NDC80: variants seen among roughly 807,000 people sequenced by gnomAD.
NDC80 encodes NDC80 kinetochore complex component.
A neutral mutation model predicts 89.3 loss-of-function variants in NDC80; 69 were observed. The observed-to-expected ratio is 0.77, with a 90% confidence interval of 0.64 to 0.94. The LOEUF (loss-of-function observed/expected upper bound fraction) is 0.94. Ranked by LOEUF, NDC80 falls within the 40% of genes least tolerant of loss-of-function variation. The pLI is 0.00. For synonymous variants in NDC80, 243 were observed against 255.6 expected (o/e 0.95, Z 0.47); for missense variants, 593 against 739.6 (o/e 0.80, Z 2.30).
chr18:2,592,325 T>C (rs1000285319), intron 10 of NDC80, among the ~76,000 whole-genome samples: 1 of 151,932 alleles, frequency 6.6e-6, no homozygotes, highest in Non-Finnish European at 1.5e-5. Flanking sequence ...GGATGAGACA[T>C]ATTTAAATTT....
chr18:2,591,796 C>T (rs1335067505), intron 10 of NDC80, among the ~76,000 whole-genome samples: 1 of 150,710 alleles, frequency 6.6e-6, no homozygotes, highest in Non-Finnish European at 1.5e-5. Context: ...GCTGTGTCAC[C>T]CAGGCTGAAG....
chr18:2,608,224 G>A (rs1323145967), intron 14 of NDC80, among the ~76,000 whole-genome samples: 3 of 137,282 alleles, frequency 2.2e-5, no homozygotes, highest in Admixed American at 7.3e-5. Context: ...TTTTTTTTTT[G>A]AGACAGTGTC....
chr18:2,575,255 A>G (rs779094607), intron 3 of NDC80, among the ~76,000 whole-genome samples, 189 bp downstream of exon 3: 3 of 152,218 alleles, frequency 2.0e-5, no homozygotes, highest in Non-Finnish European at 4.4e-5. Flanking sequence ...ACACATTCAG[A>G]CCACTATTTC....
At chr18:2,613,153 C>G (rs554220770) in intron 16 of NDC80, among the ~76,000 whole-genome samples, 7 of 152,210 alleles carry the variant, frequency 4.6e-5, no homozygotes, top group Admixed American at 3.9e-4. Flanking sequence ...CCAATTGGGC[C>G]TACAGCCGGC....
chr18:2,589,365 C>A, intron 9 of NDC80, 55 bp downstream of exon 9: 1 of 1,183,742 alleles, frequency 8.4e-7, no homozygotes, highest in South Asian at 1.3e-5. Context: ...TTTTGGGTGT[C>A]CTTGGATATT....
intron 8 of NDC80, among the ~76,000 whole-genome samples, chr18:2,588,205 A>G (rs898883975): frequency 6.6e-6 from 1 of 152,210 alleles, no homozygotes; most frequent in Non-Finnish European, 1.5e-5. Flanking sequence ...TGACAGTATA[A>G]TAAAGTCATA....
At chr18:2,597,541 G>A (rs2072663140) in intron 11 of NDC80, among the ~76,000 whole-genome samples, 1 of 152,094 alleles carries the variant, frequency 6.6e-6, no homozygotes, top group African/African-American at 2.4e-5. Context: ...GACCAGCCTG[G>A]CCAACATGGT....
chr18:2,589,651 A>G (rs1207429818), intron 9 of NDC80, among the ~76,000 whole-genome samples: 3 of 152,208 alleles, frequency 2.0e-5, no homozygotes, highest in African/African-American at 7.2e-5. Context: ...GAGGTAGTGC[A>G]AAAGGAATGG....
chr18:2,598,985 G>T, intron 11 of NDC80, 34 bp from the exon 12 acceptor site: 1 of 1,502,208 alleles, frequency 6.7e-7, no homozygotes, highest in Non-Finnish European at 8.9e-7. Flanking sequence ...GAATGGGGCT[G>T]CTTTAACATG....
chr18:2,605,270 ATGTATGTGTGTGTGTGTGTGTGTGTGTG>A (rs2072704669), intron 13 of NDC80, among the ~76,000 whole-genome samples: 2 of 98,064 alleles, frequency 2.0e-5, no homozygotes, highest in African/African-American at 7.6e-5. Flanking sequence ...GGCGGGCTAT[ATGTATGTGTGTGTGTGTGTGTGTGTGTG>A]TGTGTGTGTG....
rs113847715 is a variant in NDC80, at chr18:2,600,967, A to G, written c.1375-429A>G. ...AGTGCTGTGTTAAAGTCAGTAGAACAGAATAAACATAAGAAATACAGGCAG... is the reference window on the plus strand; with the variant it reads ...AGTGCTGTGTTAAAGTCAGTAGAACGGAATAAACATAAGAAATACAGGCAG... On this transcript the variant is annotated intron_variant, in intron 12 of 16. Transcript: ENST00000261597. Among the ~76,000 whole-genome samples the G allele has an allele frequency of 3.4e-3, 516 of 152,378 alleles. 3 individuals are homozygous for G. Among genetic ancestry groups the G allele is most frequent in the African/African-American group, 0.012 (492 of 41,598 alleles).
At chr18:2,604,161 G>A (rs2072698426) in intron 13 of NDC80, among the ~76,000 whole-genome samples, 1 of 151,852 alleles carries the variant, frequency 6.6e-6, no homozygotes, top group South Asian at 2.1e-4. Flanking sequence ...ATTTTAAGTG[G>A]GAAGATGGGC....
chr18:2,612,623 C>A (rs1477261681), intron 16 of NDC80, among the ~76,000 whole-genome samples: 1 of 152,032 alleles, frequency 6.6e-6, no homozygotes, highest in Non-Finnish European at 1.5e-5. Flanking sequence ...ATTGTCTGTC[C>A]TTTGTTAATT....
At chr18:2,596,129 T>C (rs1384335059) in intron 11 of NDC80, among the ~76,000 whole-genome samples, 1 of 152,130 alleles carries the variant, frequency 6.6e-6, no homozygotes, top group African/African-American at 2.4e-5. Context: ...TAGCCCAAAT[T>C]TAGTGTACAT....
chr18:2,582,878 A>G (rs1413536993), intron 6 of NDC80: 1 of 152,200 alleles, frequency 6.6e-6, no homozygotes, highest in East Asian at 1.9e-4. Context: ...AGAACTTGGC[A>G]CATAATCAGT....
intron 16 of NDC80, among the ~76,000 whole-genome samples, chr18:2,612,895 C>A (rs902945044): frequency 6.6e-6 from 1 of 152,124 alleles, no homozygotes; most frequent in Non-Finnish European, 1.5e-5. Context: ...GAAAGTCAAA[C>A]GAGTGTGGTT....
At chr18:2,577,030 AT>A (rs1164244941) in intron 3 of NDC80, among the ~76,000 whole-genome samples, 1 of 152,184 alleles carries the variant, frequency 6.6e-6, no homozygotes, top group Non-Finnish European at 1.5e-5. Flanking sequence ...TTGATGAAAA[AT>A]CTTAAGGTAT....
chr18:2,590,885 T>C (rs1412694929), intron 10 of NDC80, among the ~76,000 whole-genome samples: 1 of 152,048 alleles, frequency 6.6e-6, no homozygotes, highest in Non-Finnish European at 1.5e-5. Context: ...ACTTTGTGGT[T>C]AATAAGCCAG....
intron 16 of NDC80, chr18:2,615,236 T>C (rs969266949): frequency 1.3e-5 from 2 of 152,242 alleles, no homozygotes; most frequent in African/African-American, 2.4e-5. Context: ...GCATGTTAGT[T>C]TCCCATTGCT....
Sources: allele counts gnomAD v4.1 joint callset (sites outside exome capture counted in the v4.1 genomes callset), GRCh38; gene constraint gnomAD v4.1.1; transcripts MANE v1.5; gene names NCBI Gene and HGNC (gene_info 2026-07-23, HGNC 2026-07-21).